The following CEACAM20 variants were observed in gnomAD, a reference collection of about 807,000 sequenced individuals.
The protein encoded by CEACAM20 is CEA cell adhesion molecule 20, also known as cell adhesion molecule CEACAM20.
A neutral mutation model predicts 61.2 loss-of-function variants in CEACAM20; 50 were observed. That is an observed-to-expected ratio of 0.82 (90% confidence interval 0.65 to 1.03). The LOEUF is 1.03. Ranked by LOEUF, CEACAM20 falls within the 50% of genes least tolerant of loss-of-function variation. The pLI is 0.00. For synonymous variants in CEACAM20, 282 were observed against 287.7 expected (o/e 0.98, Z 0.20); for missense variants, 683 against 736.4 (o/e 0.93, Z 0.84).
chr19:44,524,280 G>A lies in CEACAM20; in HGVS notation c.197-19C>T, dbSNP rs1324106186. The A allele has an allele frequency of 6.2e-7, 1 of 1,602,404 alleles. No individual in the cohort carries two copies. Among genetic ancestry groups the A allele is most frequent in the East Asian group, 2.2e-5 (1 of 44,792 alleles). On this transcript the variant is annotated intron_variant, in intron 2 of 11. Coordinates refer to ENST00000614924, the MANE Select transcript of CEACAM20 (RefSeq NM_001102597.3). The stretch of plus-strand genomic sequence containing the variant: ...GCCAGCTCTGAAAGCAAGCGAGGGA[G>A]ACAGAGGCAGAGACACAGGTAGAGG...
chr19:44,513,443 C>CTTT (rs398034749), intron 6 of CEACAM20, among the ~76,000 whole-genome samples, 154 bp from the exon 7 acceptor site: 13,475 of 116,984 alleles, frequency 0.12, 1,062 homozygotes, highest in Middle Eastern at 0.17. Context: ...TTTGGTTTTG[C>CTTT]TTTTTTTTTT....
At position 44,522,646 on chromosome 19, in the gene CEACAM20, C is replaced by A. The variant is rs773887584; in HGVS notation, c.739G>T (p.Val247Phe). ...THLSSLGTLKVRVLETLTMPQ... is the reference protein window; with the variant it reads ...THLSSLGTLKFRVLETLTMPQ... The stretch of plus-strand genomic sequence containing the variant: ...AAAGGAGACTCACCAAGTACTCGGA[C>A]CTTCAGAGTACCCAGGCTGGACAGG... The change falls in exon 4 of 12, where the codon GTC (valine) becomes TTC (phenylalanine). Residue 247 changes from valine (V) to phenylalanine (F), a missense_variant. Val to Phe is a conservative substitution (Grantham distance 50). Coordinates refer to ENST00000614924, the MANE Select transcript of CEACAM20 (RefSeq NM_001102597.3). The A allele has an allele frequency of 7.4e-6, 12 of 1,613,100 alleles. No individual in the cohort carries two copies. Among genetic ancestry groups the A allele is most frequent in the Non-Finnish European group, 1.0e-5 (12 of 1,179,460 alleles).
chr19:44,511,053 T>C lies in CEACAM20; in HGVS notation c.1714A>G (p.Lys572Glu), dbSNP rs764215242. 5 of 1,613,994 alleles carry C rather than the reference T, an allele frequency of 3.1e-6. No individual in the cohort carries two copies. The Admixed American group carries it at 6.7e-5, about 22-fold the overall frequency. Residue 572 changes from lysine to glutamate, a missense_variant, in exon 11 of 12, where the codon AAA (lysine) becomes GAA (glutamate). By Grantham distance (56) the Lys-to-Glu change is moderately conservative. Coordinates refer to ENST00000614924, the MANE Select transcript of CEACAM20 (RefSeq NM_001102597.3). ...PPLRLVSTVP[K>E]NMESIYEELV... ...ACCTCATAGATTGACTCCATGTTTT[T>C]TGGCACAGTGGAGACCAATCTGAGT...
At chr19:44,525,015 C>T (rs2123631906) in intron 2 of CEACAM20, 86 bp downstream of exon 2, 1 of 1,543,464 alleles carries the variant, frequency 6.5e-7, no homozygotes, top group Non-Finnish European at 8.8e-7. Flanking sequence ...CAGATTCGTC[C>T]TCTGGGGACT....
At chr19:44,517,639 G>A (rs1373132068) in intron 5 of CEACAM20, among the ~76,000 whole-genome samples, 2 of 150,886 alleles carry the variant, frequency 1.3e-5, no homozygotes, top group Non-Finnish European at 2.9e-5. Flanking sequence ...GGAGGTTGCA[G>A]TGAGCCAAGC....
At chr19:44,508,224 T>C (rs1030359539) in intron 11 of CEACAM20, among the ~76,000 whole-genome samples, 5 of 152,168 alleles carry the variant, frequency 3.3e-5, no homozygotes, top group Non-Finnish European at 7.3e-5. Flanking sequence ...CTGAAGTCCA[T>C]TCTTGGAATT....
intron 1 of CEACAM20, among the ~76,000 whole-genome samples, chr19:44,528,170 C>CTTTCCTTT (rs1555746333): frequency 1.1e-5 from 1 of 94,568 alleles, no homozygotes; most frequent in African/African-American, 3.3e-5. Flanking sequence ...TTCTTTCTTT[C>CTTTCCTTT]CTTTCTTTCT....
chr19:44,529,393 C>T (rs1483014360), intron 1 of CEACAM20, 65 bp downstream of exon 1: 1 of 1,222,682 alleles, frequency 8.2e-7, no homozygotes, highest in Admixed American at 1.8e-5. Flanking sequence ...CACACACACA[C>T]ACCGCTGACA....
chr19:44,520,179 C>T (rs1242949086), intron 5 of CEACAM20, among the ~76,000 whole-genome samples: 1 of 152,174 alleles, frequency 6.6e-6, no homozygotes, highest in Non-Finnish European at 1.5e-5. Context: ...TCTCACTCCC[C>T]CTCTCCCCCA....
At position 44,526,888 on chromosome 19, in the gene CEACAM20, AAAC is replaced by A. The variant is rs544611453; in HGVS notation, c.53-1647_53-1645del. 4.3e-3 allele frequency among the ~76,000 whole-genome samples: 655 copies of A among 151,116 alleles called. 2 individuals are homozygous for A. Among genetic ancestry groups the A allele is most frequent in the African/African-American group, 0.015 (595 of 40,932 alleles). On this transcript the variant is annotated intron_variant, in intron 1 of 11. Transcript: ENST00000614924. ...GACCTTGTCTCAAAAACAAACAAAC[AAAC>A]AAAAAAAAAACACGAGACTTTGCTG... is the stretch of plus-strand genomic sequence containing the variant.
chr19:44,521,308 G>T (rs1365243552), intron 4 of CEACAM20, among the ~76,000 whole-genome samples: 1 of 152,096 alleles, frequency 6.6e-6, no homozygotes, highest in African/African-American at 2.4e-5. Context: ...TGTCCATCTT[G>T]AGTGTCTGTG....
chr19:44,517,552 C>T (rs1364276243), intron 5 of CEACAM20, among the ~76,000 whole-genome samples: 1 of 151,932 alleles, frequency 6.6e-6, no homozygotes. Flanking sequence ...AAAAAATTAG[C>T]CGGGCGTAGT....
At chr19:44,513,338 C>A in intron 6 of CEACAM20, 49 bp from the exon 7 acceptor site, 1 of 1,278,702 alleles carries the variant, frequency 7.8e-7, no homozygotes, top group Non-Finnish European at 1.1e-6. Flanking sequence ...ACCCTCATCC[C>A]TGCTCCCAGC....
At chr19:44,520,990 AGT>A (rs1555744323) in intron 4 of CEACAM20, among the ~76,000 whole-genome samples, 1 of 151,436 alleles carries the variant, frequency 6.6e-6, no homozygotes, top group Non-Finnish European at 1.5e-5. Flanking sequence ...GTGTATGGAG[AGT>A]GTGTGGTGTG....
chr19:44,520,809 C>A, intron 4 of CEACAM20, 57 bp from the exon 5 acceptor site: 1 of 1,553,176 alleles, frequency 6.4e-7, no homozygotes, highest in South Asian at 1.2e-5. Flanking sequence ...CATCTCCTGC[C>A]CTTGTGGGGC....
rs1970999897 is a variant in CEACAM20 at position 44,511,562 on chromosome 19, G to T, written c.1611+75C>A. On this transcript the variant is annotated intron_variant, in intron 10 of 11. Coordinates refer to ENST00000614924, the MANE Select transcript of CEACAM20 (RefSeq NM_001102597.3). ...ATGTTTAGACAAGATGATCTCTCAG[G>T]CTTATCACATATAAAATTTTCAGAT... 6 of 1,384,756 alleles carry T rather than the reference G, an allele frequency of 4.3e-6. No homozygotes were observed. The African/African-American group carries it at 7.1e-5, about 16-fold the overall frequency. 85.8% of individuals were successfully genotyped at this position (1,384,756 alleles called of 1,614,324 possible).
At chr19:44,513,315 C>T (rs768325781) in intron 6 of CEACAM20, 26 bp from the exon 7 acceptor site, 5 of 1,489,570 alleles carry the variant, frequency 3.4e-6, no homozygotes, top group Non-Finnish European at 4.7e-6. Flanking sequence ...GAATCAAGAC[C>T]CAGGCTTGAC....
At chr19:44,515,218 A>AATG (rs59294881) in intron 6 of CEACAM20, among the ~76,000 whole-genome samples, 18,019 of 148,920 alleles carry the variant, frequency 0.12, 1,136 homozygotes, top group Middle Eastern at 0.23. Flanking sequence ...ATGCTTGACA[A>AATG]ATGATGATGA....
chr19:44,528,956 C>CTTTTTTTTTTTTTTT (rs71171255), intron 1 of CEACAM20, among the ~76,000 whole-genome samples: 4 of 92,642 alleles, frequency 4.3e-5, no homozygotes, highest in Admixed American at 1.4e-4. Flanking sequence ...CTCTTTCTTT[C>CTTTTTTTTTTTTTTT]TTTTTTTTTT....
Sources: gnomAD v4.1 joint callset for allele counts (sites outside exome capture counted in the v4.1 genomes callset) on GRCh38, gnomAD v4.1.1 for gene constraint, MANE v1.5 for transcripts, NCBI Gene and HGNC (gene_info 2026-07-23, HGNC 2026-07-21) for gene names.